WHAMM: variants seen among roughly 807,000 people sequenced by gnomAD.
WHAMM encodes the protein WASP homolog-associated protein with actin, membranes and microtubules.
Under a neutral mutation model 76.5 loss-of-function variants are expected in WHAMM, and 67 were observed. The observed-to-expected ratio is 0.88, with a 90% confidence interval of 0.72 to 1.07. WHAMM has a LOEUF of 1.07. WHAMM is among the 50% of genes least tolerant of loss of function. The pLI, the probability that WHAMM is intolerant of heterozygous loss-of-function variation, is 0.00. For missense variants in WHAMM, 1,021 were observed against 1,051.1 expected (o/e 0.97, Z 0.40); for synonymous variants, 419 against 422.1 (o/e 0.99, Z 0.09).
At chr15:82,813,981 A>T (rs2050677149) in intron 2 of WHAMM, among the ~76,000 whole-genome samples, 1 of 151,964 alleles carries the variant, frequency 6.6e-6, no homozygotes, top group Non-Finnish European at 1.5e-5. Flanking sequence ...TTTTGATGTG[A>T]TATTTATTTG....
At chr15:82,815,308 C>T (rs2050709271) in intron 2 of WHAMM, among the ~76,000 whole-genome samples, 1 of 151,694 alleles carries the variant, frequency 6.6e-6, no homozygotes, top group African/African-American at 2.4e-5. Context: ...CTGTGGATTT[C>T]CCTACTCTGG....
At chr15:82,815,137 A>ATAGTATATATATTTTATATATAC (rs2050702764) in intron 2 of WHAMM, among the ~76,000 whole-genome samples, 1 of 37,464 alleles carries the variant, frequency 2.7e-5, no homozygotes, top group Non-Finnish European at 4.9e-5. Flanking sequence ...ATATATATAT[A>ATAGTATATATATTTTATATATAC]TATATATATA....
chr15:82,826,594 C>G (rs2050938469), intron 7 of WHAMM, 98 bp downstream of exon 7: 1 of 1,580,502 alleles, frequency 6.3e-7, no homozygotes, highest in Non-Finnish European at 8.7e-7. Context: ...GGACCTGCAG[C>G]TGTCAGCCAT....
intron 6 of WHAMM, among the ~76,000 whole-genome samples, chr15:82,826,182 T>G (rs1235072935): frequency 1.3e-5 from 2 of 152,214 alleles, no homozygotes; most frequent in Admixed American, 6.5e-5. Context: ...GTTGGCGGAT[T>G]GTTTTTCATC....
chr15:82,818,446 C>A (rs2050765332), intron 4 of WHAMM, among the ~76,000 whole-genome samples: 1 of 152,156 alleles, frequency 6.6e-6, no homozygotes, highest in South Asian at 2.1e-4. Context: ...TTCGCTTATT[C>A]CAACACCATC....
intron 1 of WHAMM, chr15:82,810,857 A>G (rs1485425578): frequency 9.6e-6 from 7 of 730,844 alleles, no homozygotes; most frequent in Admixed American, 1.3e-4. Flanking sequence ...TTTATTCATC[A>G]GTTTGGAATG....
At chr15:82,817,031 A>T (rs906431057) in intron 3 of WHAMM, among the ~76,000 whole-genome samples, 189 bp downstream of exon 3, 5 of 152,238 alleles carry the variant, frequency 3.3e-5, no homozygotes, top group African/African-American at 1.2e-4. Context: ...TCATTGAAGC[A>T]CATGGAAAAT....
Position 82,814,431 on chromosome 15 carries a change from A to T in WHAMM, c.783+1155A>T, listed in dbSNP as rs1271091591. Among the ~76,000 whole-genome samples, 10 of 152,252 alleles carry T rather than the reference A, an allele frequency of 6.6e-5. No individual in the cohort carries two copies. The East Asian group carries it at 1.9e-3, about 29-fold the overall frequency. Reference sequence around the variant, plus strand: ...TGAAAGTCTATTATTTGGAAAGTCTACTTCTTGCATACATTTTTCCTTTCT... The same window carrying T: ...TGAAAGTCTATTATTTGGAAAGTCTTCTTCTTGCATACATTTTTCCTTTCT... On this transcript the variant is annotated intron_variant, in intron 2 of 9. Transcript: ENST00000286760.
chr15:82,835,315 T>TG lies in WHAMM; in HGVS notation c.*1783dup, dbSNP rs1247930844. ...CTAATTTTTATATTTTTAGTAGAGA[T>TG]GGGGTTTCACCATGTTGGCAGGATG... On this transcript the variant is annotated 3_prime_UTR_variant, in exon 10 of 10. Transcript: ENST00000286760. The TG allele has an allele frequency of 2.0e-5, 3 of 152,134 alleles. No homozygotes were observed. Among genetic ancestry groups the TG allele is most frequent in the East Asian group, 3.9e-4 (2 of 5,188 alleles). 9.4% of individuals were successfully genotyped at this position (152,134 alleles called of 1,614,324 possible).
In WHAMM at chr15:82,813,289, A is replaced by T. The variant is rs767577461; in HGVS notation, c.783+13A>T. Reference sequence around the variant, plus strand: ...GCTTGATATTTTGGTATGTTTTTTTAAAATTTTTACTTTATCAGATTTACT... The same window carrying T: ...GCTTGATATTTTGGTATGTTTTTTTTAAATTTTTACTTTATCAGATTTACT... On this transcript the variant is annotated intron_variant, in intron 2 of 9. Coordinates refer to ENST00000286760, the MANE Select transcript of WHAMM (RefSeq NM_001080435.3). 5.8e-5 allele frequency: 87 copies of T among 1,507,164 alleles called. No homozygotes were observed. The highest frequency in any genetic ancestry group is 6.7e-5 in the Non-Finnish European group (76 of 1,128,500). The allele number at this position is 1,507,164 out of a possible 1,614,324, so 93.4% of individuals were successfully genotyped here. A position where few individuals can be genotyped will look rare whatever the true frequency, so the allele number is the denominator to read the frequency against.
chr15:82,812,679 C>G (rs928510581), intron 1 of WHAMM, among the ~76,000 whole-genome samples: 1 of 152,136 alleles, frequency 6.6e-6, no homozygotes, highest in Non-Finnish European at 1.5e-5. Context: ...CTCTGCCTCT[C>G]CATTTAATAT....
rs1460546047 is a variant in WHAMM at position 82,830,809 on chromosome 15, G to T, written c.1852G>T (p.Val618Phe). The change falls in exon 9 of 10, where the codon GTC (valine) becomes TTC (phenylalanine). Residue 618 changes from valine to phenylalanine, a missense_variant. Physicochemically the swap from Val to Phe is conservative, Grantham distance 50. Around this residue, in one of 3 missense-constraint regions of WHAMM, gnomAD observed 509 missense variants for 492.3 expected, o/e 1.03. Transcript: ENST00000286760. ...KCQNCHGNIP[V>F]QVFVPVGDQT... ...TCAAAACTGTCATGGAAATATCCCT[G>T]TCCAGGTTTTTGTTCCAGTTGGTGA... The T allele has an allele frequency of 6.2e-7, 1 of 1,610,724 alleles. No individual in the cohort carries two copies. The highest frequency in any genetic ancestry group is 8.5e-7 in the Non-Finnish European group (1 of 1,178,224).
In WHAMM at chr15:82,826,804, A is replaced by G. The variant is rs2050942951; in HGVS notation, c.1599A>G (p.Gln533=). 6.5e-7 allele frequency: 1 copy of G among 1,549,796 alleles called. No homozygotes were observed. The highest frequency in any genetic ancestry group is 8.7e-7 in the Non-Finnish European group (1 of 1,147,076). ...AAAAGAAAAAAGAATGGATCAACCA[A>G]GAACGTCAAAAAACACTCCAACGAT... The part of the protein sequence containing the change: ...EEQKKKEWIN[Q]ERQKTLQRLR... Residue 533 remains glutamine (Q), a synonymous_variant, in exon 8 of 10, where the codon CAA becomes CAG. Transcript: ENST00000286760.
At chr15:82,826,354 A>G in intron 6 of WHAMM, 56 bp from the exon 7 acceptor site, 1 of 1,574,580 alleles carries the variant, frequency 6.4e-7, no homozygotes, top group Non-Finnish European at 8.7e-7. Flanking sequence ...TTAATCTTTT[A>G]TGCTATACCA....
Position 82,819,268 on chromosome 15 carries a change from G to A in WHAMM, c.1105-55G>A, listed in dbSNP as rs542997013. The A allele has an allele frequency of 5.6e-6, 4 of 719,608 alleles. No homozygotes were observed. In the South Asian group the frequency reaches 9.5e-5, roughly 17 times the overall value. The allele number at this position is 719,608 out of a possible 1,614,324, so 44.6% of individuals were successfully genotyped here. On this transcript the variant is annotated intron_variant, in intron 4 of 9. Transcript: ENST00000286760. ...AATAGCTAGAATGCTTCTAAAGTTTGTTTTTAATATACTAATTTATTTTAA... is the reference window on the plus strand; with the variant it reads ...AATAGCTAGAATGCTTCTAAAGTTTATTTTTAATATACTAATTTATTTTAA...
intron 9 of WHAMM, among the ~76,000 whole-genome samples, chr15:82,832,828 T>C (rs750615580): frequency 7.9e-5 from 12 of 152,138 alleles, no homozygotes; most frequent in Non-Finnish European, 1.2e-4. Context: ...GACAGGGTAA[T>C]GAAGGAGATA....
chr15:82,833,384 CT>C lies in WHAMM; in HGVS notation c.2280del (p.Gly761AlafsTer64). The C allele has an allele frequency of 6.2e-7, 1 of 1,614,060 alleles. No homozygotes were observed. Among genetic ancestry groups the C allele is most frequent in the Non-Finnish European group, 8.5e-7 (1 of 1,179,886 alleles). On this transcript the variant is annotated frameshift_variant, in exon 10 of 10. Coordinates refer to ENST00000286760, the MANE Select transcript of WHAMM (RefSeq NM_001080435.3). LOFTEE classifies it low-confidence loss of function (END_TRUNC). The part of the protein sequence containing the change: ...GVKLKKVHPD[L>X]GPNPSSKPTS... The stretch of plus-strand genomic sequence containing the variant: ...CAAACTGAAGAAAGTTCACCCTGAT[CT>C]TGGCCCAAACCCCAGCAGCAAACCA...
intron 8 of WHAMM, among the ~76,000 whole-genome samples, chr15:82,829,283 C>A (rs778269005): frequency 6.6e-6 from 1 of 152,268 alleles, no homozygotes; most frequent in Middle Eastern, 3.4e-3. Flanking sequence ...CCAGCCTGGG[C>A]AACAAAGTGA....
chr15:82,821,706 TC>T (rs2050832160), intron 5 of WHAMM, among the ~76,000 whole-genome samples: 1 of 152,180 alleles, frequency 6.6e-6, no homozygotes, highest in Non-Finnish European at 1.5e-5. Context: ...CCTTTATTCT[TC>T]CAGATGAAAT....
Sources: allele counts gnomAD v4.1 joint callset (sites outside exome capture counted in the v4.1 genomes callset), GRCh38; gene constraint gnomAD v4.1.1; regional missense constraint gnomAD v4.1.1; transcripts MANE v1.5; gene names NCBI Gene and HGNC (gene_info 2026-07-23, HGNC 2026-07-21).